Variants in SHROOM3 observed in about 807,000 individuals in gnomAD.
SHROOM3 encodes shroom family member 3.
In SHROOM3, 47 loss-of-function variants were observed where a neutral mutation model predicts 138.6. The ratio of observed to expected loss-of-function variants is 0.34; its 90% CI spans 0.27 to 0.43. The LOEUF is 0.43. Among genes scored for constraint, SHROOM3 ranks in the 20% least tolerant of loss-of-function variants. The probability of loss-of-function intolerance (pLI) is 1.00; values close to 1 mark genes in which losing one functional copy is unlikely to be tolerated. For synonymous variants in SHROOM3, 1,062 were observed against 1,063.3 expected, an observed-to-expected ratio of 1.00 and a Z score of 0.02; for missense variants, 2,491 against 2,596.5, an observed-to-expected ratio of 0.96 and a Z score of 0.88.
chr4:76,720,159 T>G lies in SHROOM3; in HGVS notation c.455+9872T>G, dbSNP rs1016928904. On this transcript the variant is annotated intron_variant, in intron 3 of 10. Transcript: ENST00000296043. ...GGAAAAGTGTTTTTTAGGTTTTTTT[T>G]TTTTTTTTTTTTTTTTTTTTTGTGA... Among the ~76,000 whole-genome samples, 730 of 130,518 alleles carry G rather than the reference T, an allele frequency of 5.6e-3. 33 individuals are homozygous for G. The highest frequency in any genetic ancestry group is 0.05 in the Admixed American group (638 of 12,806). The allele number at this position is 130,518 out of a possible 152,430, so 85.6% of individuals were successfully genotyped here.
chr4:76,730,680 C>T, intron 3 of SHROOM3, 124 bp from the exon 4 acceptor site: 1 of 1,232,136 alleles, frequency 8.1e-7, no homozygotes, highest in African/African-American at 1.5e-5. Context: ...TCAGTATTGA[C>T]TTGGTTGCTT....
At chr4:76,548,020 G>T (rs902155056) in intron 1 of SHROOM3, among the ~76,000 whole-genome samples, 1 of 152,012 alleles carries the variant, frequency 6.6e-6, no homozygotes, top group African/African-American at 2.4e-5. Flanking sequence ...TAGTATTAGG[G>T]GAGGCTGAAA....
intron 2 of SHROOM3, among the ~76,000 whole-genome samples, chr4:76,705,801 C>G (rs1720031589): frequency 6.6e-6 from 1 of 152,074 alleles, no homozygotes; most frequent in Non-Finnish European, 1.5e-5. Flanking sequence ...TAAAACAGCT[C>G]CAAGAAATGT....
intron 2 of SHROOM3, among the ~76,000 whole-genome samples, chr4:76,589,154 A>C (rs532142343): frequency 4.6e-4 from 70 of 152,362 alleles, no homozygotes; most frequent in African/African-American, 1.6e-3. Context: ...TGATAGAATG[A>C]GTGATGTTCC....
At chr4:76,631,825 G>A (rs1346487396) in intron 2 of SHROOM3, among the ~76,000 whole-genome samples, 3 of 152,168 alleles carry the variant, frequency 2.0e-5, no homozygotes, top group African/African-American at 7.2e-5. Flanking sequence ...GAGTCAATGA[G>A]GGAAAAAGTC....
intron 1 of SHROOM3, among the ~76,000 whole-genome samples, chr4:76,467,743 T>A (rs984613603): frequency 2.0e-5 from 3 of 152,300 alleles, no homozygotes; most frequent in East Asian, 1.9e-4. Flanking sequence ...AGATAAGTAG[T>A]CCCAACTTTC....
intron 1 of SHROOM3, among the ~76,000 whole-genome samples, chr4:76,518,763 A>G (rs1265979493): frequency 1.3e-5 from 2 of 152,192 alleles, no homozygotes; most frequent in Non-Finnish European, 2.9e-5. Flanking sequence ...GAAAACATAA[A>G]TACTGATACA....
At chr4:76,755,271 C>A in intron 7 of SHROOM3, 79 bp downstream of exon 7, 1 of 1,502,414 alleles carries the variant, frequency 6.7e-7, no homozygotes, top group Non-Finnish European at 9.1e-7. Flanking sequence ...CTTCTGCTGG[C>A]CACAGAAGAA....
At position 76,510,027 on chromosome 4, in the gene SHROOM3, A is replaced by G. The variant is rs141479223; in HGVS notation, c.169-45582A>G. 7.2e-5 allele frequency among the ~76,000 whole-genome samples: 11 copies of G among 152,238 alleles called. No individual in the cohort carries two copies. In the East Asian group the frequency reaches 2.1e-3, roughly 29 times the overall value. ...AGTGTTAAAGTGAGTACTTCCATAT[A>G]CTATTGGTGGGACTGTGAAATGGTG... On this transcript the variant is annotated intron_variant, in intron 1 of 10. Transcript: ENST00000296043.
chr4:76,777,580 C>CCTTT (rs1249598567), intron 10 of SHROOM3, among the ~76,000 whole-genome samples: 3 of 151,934 alleles, frequency 2.0e-5, no homozygotes, highest in African/African-American at 7.3e-5. Context: ...ATTTGGATGC[C>CCTTT]CTTTCTTTCT....
At chr4:76,758,043 A>G (rs1721878519) in intron 8 of SHROOM3, 1 of 152,252 alleles carries the variant, frequency 6.6e-6, no homozygotes, top group Non-Finnish European at 1.5e-5. Context: ...GCTATGTGAT[A>G]CTTACAAGCT....
At chr4:76,737,416 G>C (rs1490953557) in intron 4 of SHROOM3, among the ~76,000 whole-genome samples, 1 of 152,112 alleles carries the variant, frequency 6.6e-6, no homozygotes, top group Non-Finnish European at 1.5e-5. Flanking sequence ...GTGTGGACGT[G>C]AGTTTTCAGT....
intron 2 of SHROOM3, among the ~76,000 whole-genome samples, chr4:76,562,825 G>A (rs1473904322): frequency 3.9e-5 from 6 of 152,164 alleles, no homozygotes; most frequent in Non-Finnish European, 7.4e-5. Context: ...AAAAGCAAAT[G>A]GAACAGAACT....
At chr4:76,472,705 T>C (rs1416743993) in intron 1 of SHROOM3, among the ~76,000 whole-genome samples, 1 of 152,074 alleles carries the variant, frequency 6.6e-6, no homozygotes, top group Non-Finnish European at 1.5e-5. Context: ...CTTTCTTTTT[T>C]TTTTTTGTGA....
chr4:76,691,862 A>G (rs554584625), intron 2 of SHROOM3, among the ~76,000 whole-genome samples: 2 of 152,294 alleles, frequency 1.3e-5, no homozygotes, highest in Admixed American at 1.3e-4. Context: ...ACCAAAATCA[A>G]TTATTCTTGT....
chr4:76,576,381 G>A (rs1207678737), intron 2 of SHROOM3, among the ~76,000 whole-genome samples: 1 of 152,190 alleles, frequency 6.6e-6, no homozygotes, highest in African/African-American at 2.4e-5. Context: ...ACTATGTTAA[G>A]TGAATTGAGC....
intron 2 of SHROOM3, among the ~76,000 whole-genome samples, chr4:76,635,970 C>T (rs1165136290): frequency 1.3e-5 from 2 of 152,338 alleles, no homozygotes; most frequent in African/African-American, 2.4e-5. Context: ...AAAAGTTAGC[C>T]TTCTGGTTTC....
At chr4:76,458,051 C>G (rs1731068702) in intron 1 of SHROOM3, among the ~76,000 whole-genome samples, 2 of 152,180 alleles carry the variant, frequency 1.3e-5, no homozygotes, top group South Asian at 4.1e-4. Flanking sequence ...CCTGGGCCTC[C>G]CCAGGTGCTG....
chr4:76,749,354 T>C (rs1031200375), intron 6 of SHROOM3, among the ~76,000 whole-genome samples: 3 of 152,262 alleles, frequency 2.0e-5, no homozygotes, highest in Non-Finnish European at 2.9e-5. Context: ...TCATTTAGCA[T>C]GGAGAACTTT....
Sources: allele counts gnomAD v4.1 joint callset (sites outside exome capture counted in the v4.1 genomes callset), GRCh38; gene constraint gnomAD v4.1.1; transcripts MANE v1.5; gene names NCBI Gene and HGNC (gene_info 2026-07-23, HGNC 2026-07-21).